The following MAGI2 variants were observed in gnomAD, a reference collection of about 807,000 sequenced individuals.
MAGI2 encodes the protein membrane associated guanylate kinase, WW and PDZ domain containing 2, also known as membrane-associated guanylate kinase, WW and PDZ domain-containing protein 2.
A neutral mutation model predicts 133.3 loss-of-function variants in MAGI2; 35 were observed. That is an observed-to-expected ratio of 0.26 (90% CI 0.20 to 0.35). The LOEUF (loss-of-function observed/expected upper bound fraction) is 0.35, where lower values mean the gene tolerates loss of function less well. MAGI2 is among the 10% of genes least tolerant of loss of function. The probability of loss-of-function intolerance (pLI) is 1.00; values close to 1 mark genes in which losing one functional copy is unlikely to be tolerated. For synonymous variants in MAGI2, 729 were observed against 710.6 expected (o/e 1.03, Z -0.41); for missense variants, 1,636 against 1,863.4 (o/e 0.88, Z 2.25).
chr7:79,157,490 T>G (rs1043759734), intron 1 of MAGI2, among the ~76,000 whole-genome samples: 2 of 151,718 alleles, frequency 1.3e-5, no homozygotes, highest in Non-Finnish European at 2.9e-5. Flanking sequence ...TATGGAGTCT[T>G]GCCTGTAAGC....
At chr7:79,237,281 T>G (rs2129554726) in intron 1 of MAGI2, among the ~76,000 whole-genome samples, 3 of 152,196 alleles carry the variant, frequency 2.0e-5, no homozygotes, top group African/African-American at 7.2e-5. Flanking sequence ...GATCACGAGG[T>G]CAGGCGATCA....
intron 1 of MAGI2, among the ~76,000 whole-genome samples, chr7:79,008,158 T>C (rs1807652193): frequency 6.6e-6 from 1 of 152,080 alleles, no homozygotes; most frequent in African/African-American, 2.4e-5. Context: ...TTCAATCAAA[T>C]ATACTAGGGA....
intron 1 of MAGI2, among the ~76,000 whole-genome samples, chr7:79,378,952 A>G (rs5004691): frequency 0.19 from 19,157 of 102,366 alleles, 1,963 homozygotes; most frequent in South Asian, 0.32. Flanking sequence ...ATATATATAT[A>G]TATATATATA....
At chr7:79,400,113 G>A (rs188343713) in intron 1 of MAGI2, among the ~76,000 whole-genome samples, 7 of 151,794 alleles carry the variant, frequency 4.6e-5, no homozygotes, top group Admixed American at 6.6e-5. Context: ...CTTTTTTCCC[G>A]CTATCCTTCT....
intron 3 of MAGI2, among the ~76,000 whole-genome samples, chr7:78,529,610 C>G (rs1797264399): frequency 7.0e-6 from 1 of 143,312 alleles, no homozygotes; most frequent in African/African-American, 2.6e-5. Context: ...ATATGAGCCA[C>G]ATATATGGAA....
At chr7:78,443,156 A>T (rs1220007858) in intron 6 of MAGI2, among the ~76,000 whole-genome samples, 6 of 152,184 alleles carry the variant, frequency 3.9e-5, no homozygotes, top group Non-Finnish European at 7.3e-5. Flanking sequence ...TAATGAAACC[A>T]TATTTCGTAG....
At chr7:78,767,032 C>T (rs192793432) in intron 2 of MAGI2, among the ~76,000 whole-genome samples, 1 of 151,484 alleles carries the variant, frequency 6.6e-6, no homozygotes, top group Admixed American at 6.6e-5. Context: ...TCTCCTTGCC[C>T]AGGCTGGAGT....
chr7:79,275,616 A>C (rs1335011717), intron 1 of MAGI2, among the ~76,000 whole-genome samples: 1 of 152,188 alleles, frequency 6.6e-6, no homozygotes, highest in African/African-American at 2.4e-5. Context: ...AATGTAGACA[A>C]AAATAGCCTA....
rs532606577 is a variant in MAGI2 at position 78,511,983 on chromosome 7, G to A, written c.754+9447C>T. 1.1e-3 allele frequency among the ~76,000 whole-genome samples: 171 copies of A among 151,846 alleles called. 1 individual carries two copies. Among genetic ancestry groups the A allele is most frequent in the Non-Finnish European group, 2.2e-3 (147 of 67,898 alleles). On this transcript the variant is annotated intron_variant, in intron 4 of 21. Transcript: ENST00000354212. ...CAAAAACAGAAAAACATTAGCCGGG[G>A]GTGGTGGCGGGCACCTGCAGTCCCA...
At chr7:78,670,042 A>C (rs1199773724) in intron 2 of MAGI2, among the ~76,000 whole-genome samples, 1 of 151,766 alleles carries the variant, frequency 6.6e-6, no homozygotes. Context: ...CACCACTCCT[A>C]TTCAACATAG....
chr7:78,023,120 G>T (rs1035512503), intron 21 of MAGI2, among the ~76,000 whole-genome samples: 4 of 152,100 alleles, frequency 2.6e-5, no homozygotes, highest in African/African-American at 9.7e-5. Flanking sequence ...CCAGGCACGA[G>T]CCTGCAAAGC....
At chr7:79,185,513 G>T (rs1196523830) in intron 1 of MAGI2, among the ~76,000 whole-genome samples, 3 of 123,358 alleles carry the variant, frequency 2.4e-5, no homozygotes, top group Non-Finnish European at 1.7e-5. Flanking sequence ...TACCAATTTG[G>T]TCATTTTTTT....
chr7:78,280,585 G>T (rs907714930), intron 9 of MAGI2, among the ~76,000 whole-genome samples: 1 of 152,084 alleles, frequency 6.6e-6, no homozygotes, highest in Non-Finnish European at 1.5e-5. Flanking sequence ...GTCCTCCCAA[G>T]AGTCCCGTGA....
intron 9 of MAGI2, 143 bp downstream of exon 9, chr7:78,343,635 G>A (rs551418571): frequency 7.7e-6 from 4 of 522,152 alleles, no homozygotes; most frequent in African/African-American, 5.9e-5. Flanking sequence ...TTAAACTTAG[G>A]GGAAACATAA....
chr7:79,138,622 T>A (rs1002704055), intron 1 of MAGI2, among the ~76,000 whole-genome samples: 1 of 152,158 alleles, frequency 6.6e-6, no homozygotes, highest in Non-Finnish European at 1.5e-5. Context: ...GTGACTGGTC[T>A]TGGAGACAGG....
chr7:79,315,662 A>T (rs189624564), intron 1 of MAGI2, among the ~76,000 whole-genome samples: 1 of 152,136 alleles, frequency 6.6e-6, no homozygotes, highest in Non-Finnish European at 1.5e-5. Context: ...AAGTATAAGC[A>T]GGATGCCCAC....
At chr7:78,391,860 T>C (rs890133061) in intron 6 of MAGI2, among the ~76,000 whole-genome samples, 1 of 152,216 alleles carries the variant, frequency 6.6e-6, no homozygotes, top group Non-Finnish European at 1.5e-5. Context: ...TGATTCCCAC[T>C]GCAATATAAA....
intron 2 of MAGI2, among the ~76,000 whole-genome samples, chr7:78,713,436 G>C: frequency 6.6e-6 from 1 of 152,088 alleles, no homozygotes; most frequent in East Asian, 1.9e-4. Context: ...ATGGCACTTT[G>C]ACTAAAACTA....
intron 1 of MAGI2, among the ~76,000 whole-genome samples, chr7:79,128,391 T>C (rs970300127): frequency 6.6e-6 from 1 of 152,228 alleles, no homozygotes; most frequent in African/African-American, 2.4e-5. Context: ...CCACAAGATA[T>C]ACTGCTTCAA....
Sources: allele counts gnomAD v4.1 joint callset (sites outside exome capture counted in the v4.1 genomes callset), GRCh38; gene constraint gnomAD v4.1.1; transcripts MANE v1.5; gene names NCBI Gene and HGNC (gene_info 2026-07-23, HGNC 2026-07-21).